The following CCDC178 variants were observed in gnomAD, a reference collection of about 807,000 sequenced individuals.
CCDC178 encodes coiled-coil domain containing 178.
Under a neutral mutation model 117.4 loss-of-function variants are expected in CCDC178, and 126 were observed. That is an observed-to-expected ratio of 1.07 (90% CI 0.93 to 1.24). The LOEUF (loss-of-function observed/expected upper bound fraction) is 1.24, where lower values mean the gene tolerates loss of function less well. Among genes scored for constraint, CCDC178 ranks in the 50% most tolerant of loss-of-function variants. The probability of loss-of-function intolerance (pLI) is 0.00; values close to 1 mark genes in which losing one functional copy is unlikely to be tolerated. For synonymous variants in CCDC178, 283 were observed against 313.4 expected, an observed-to-expected ratio of 0.90 and a Z score of 1.02; for missense variants, 1,030 against 986.9, an observed-to-expected ratio of 1.04 and a Z score of -0.59.
intron 21 of CCDC178, among the ~76,000 whole-genome samples, chr18:33,005,266 TG>T (rs1388704605): frequency 1.3e-5 from 2 of 152,104 alleles, no homozygotes; most frequent in Admixed American, 6.6e-5. Context: ...ATATACATAA[TG>T]GAGTACTATT....
At chr18:32,969,020 G>A (rs1227947165) in intron 22 of CCDC178, among the ~76,000 whole-genome samples, 1 of 151,952 alleles carries the variant, frequency 6.6e-6, no homozygotes, top group Admixed American at 6.6e-5. Context: ...ACCAGTGAAT[G>A]CTTTTGTTTA....
In CCDC178 at chr18:32,937,839, T is replaced by C. The variant is rs2054152559; in HGVS notation, c.*172A>G. 3 of 587,380 alleles carry C rather than the reference T, an allele frequency of 5.1e-6. No homozygotes were observed. The highest frequency in any genetic ancestry group is 2.8e-5 in the Admixed American group (1 of 35,306). The allele number at this position is 587,380 out of a possible 1,614,324, so 36.4% of individuals were successfully genotyped here. On this transcript the variant is annotated 3_prime_UTR_variant, in exon 23 of 23. Transcript: ENST00000383096. The stretch of plus-strand genomic sequence containing the variant: ...AGCATGAAAGTCACCTGTTTCATTG[T>C]TATGGATTTGCTGTGAGTAAAAGAG...
At chr18:33,396,041 T>C (rs1269311618) in intron 4 of CCDC178, among the ~76,000 whole-genome samples, 2 of 152,032 alleles carry the variant, frequency 1.3e-5, no homozygotes, top group African/African-American at 4.8e-5. Context: ...AAAAAATTAG[T>C]TAACATATGT....
rs2059112151 is a variant in CCDC178 at position 33,211,889 on chromosome 18, TACTC to T, written c.2238+3_2238+6del. The T allele has an allele frequency of 6.3e-7, 1 of 1,594,832 alleles. No individual in the cohort carries two copies. The highest frequency in any genetic ancestry group is 8.5e-7 in the Non-Finnish European group (1 of 1,173,778). ...TTCATTTTGAAACATGCAAAAATAATACTCACTTGGGTATCTTGAAGAGTTTTTT... is the reference window on the plus strand; with the variant it reads ...TTCATTTTGAAACATGCAAAAATAATACTTGGGTATCTTGAAGAGTTTTTT... On this transcript the variant is annotated splice_donor_5th_base_variant and intron_variant, in intron 20 of 22. Coordinates refer to ENST00000383096, the MANE Select transcript of CCDC178 (RefSeq NM_001105528.4).
intron 13 of CCDC178, 23 bp downstream of exon 13, chr18:33,267,179 G>A: frequency 1.3e-6 from 2 of 1,560,650 alleles, no homozygotes; most frequent in African/African-American, 2.8e-5. Context: ...TTCTAAGTGG[G>A]AAGTAGGAAA....
At chr18:33,135,325 T>C (rs1042909010) in intron 20 of CCDC178, among the ~76,000 whole-genome samples, 4 of 152,124 alleles carry the variant, frequency 2.6e-5, no homozygotes, top group Admixed American at 2.6e-4. Context: ...CAAAGCTTAG[T>C]AAGATCATTT....
chr18:33,179,059 TAAA>T (rs757037955), intron 20 of CCDC178, among the ~76,000 whole-genome samples: 12 of 14,758 alleles, frequency 8.1e-4, no homozygotes, highest in African/African-American at 2.5e-3. Context: ...AAGCACTCAG[TAAA>T]AAAAAAAAAA....
chr18:33,255,899 G>A (rs1238926532), intron 14 of CCDC178, among the ~76,000 whole-genome samples: 1 of 151,180 alleles, frequency 6.6e-6, no homozygotes, highest in Non-Finnish European at 1.5e-5. Flanking sequence ...CAAGAGAATG[G>A]CATCCTGAAT....
At position 33,339,610 on chromosome 18, in the gene CCDC178, A is replaced by G. The variant is rs1295285398; in HGVS notation, c.659-6216T>C. Among the ~76,000 whole-genome samples, 6 of 152,116 alleles carry G rather than the reference A, an allele frequency of 3.9e-5. No homozygotes were observed. In the South Asian group the frequency reaches 1.2e-3, roughly 32 times the overall value. Reference sequence around the variant, plus strand: ...CCACCCAAATCTCAACTTGAATTGTATCTCCCAGAATTCCCACATGTTGTG... The same window carrying G: ...CCACCCAAATCTCAACTTGAATTGTGTCTCCCAGAATTCCCACATGTTGTG... On this transcript the variant is annotated intron_variant, in intron 9 of 22. Transcript: ENST00000383096.
At chr18:32,939,787 G>A (rs765400715) in intron 22 of CCDC178, among the ~76,000 whole-genome samples, 38 of 152,212 alleles carry the variant, frequency 2.5e-4, no homozygotes, top group Middle Eastern at 3.4e-3. Context: ...TCCGGCTTCA[G>A]ACACCTGTCA....
intron 21 of CCDC178, among the ~76,000 whole-genome samples, chr18:33,047,788 A>G (rs192357973): frequency 1.3e-5 from 2 of 152,304 alleles, no homozygotes; most frequent in Non-Finnish European, 2.9e-5. Flanking sequence ...TTCAGTATTT[A>G]TAATTCTTTT....
chr18:33,296,863 A>G (rs993348421), intron 11 of CCDC178, among the ~76,000 whole-genome samples: 3 of 152,104 alleles, frequency 2.0e-5, no homozygotes, highest in Non-Finnish European at 4.4e-5. Flanking sequence ...TGCCTCTACT[A>G]AAAATACAAA....
intron 12 of CCDC178, among the ~76,000 whole-genome samples, chr18:33,283,992 A>G (rs1444085558): frequency 6.6e-6 from 1 of 152,256 alleles, no homozygotes; most frequent in East Asian, 1.9e-4. Flanking sequence ...TAGCAAAGAC[A>G]TGGAATCAAA....
At chr18:32,982,062 G>GT (rs766891373) in intron 21 of CCDC178, among the ~76,000 whole-genome samples, 1 of 152,180 alleles carries the variant, frequency 6.6e-6, no homozygotes, top group South Asian at 2.1e-4. Context: ...TGACTAGTAT[G>GT]TTTTTTCCTT....
At position 33,239,329 on chromosome 18, in the gene CCDC178, A is replaced by G. The variant is rs115061747; in HGVS notation, c.1593+5916T>C. 4.9e-3 allele frequency among the ~76,000 whole-genome samples: 743 copies of G among 152,134 alleles called. 5 individuals carry two copies. The highest frequency in any genetic ancestry group is 0.017 in the African/African-American group (711 of 41,556). On this transcript the variant is annotated intron_variant, in intron 15 of 22. Transcript: ENST00000383096. Reference sequence around the variant, plus strand: ...AAACAACCAGAAAACAATCACTAACATGACAGGATTAATTCCTCATTTATC... The same window carrying G: ...AAACAACCAGAAAACAATCACTAACGTGACAGGATTAATTCCTCATTTATC...
chr18:33,249,055 T>C (rs2059585628), intron 14 of CCDC178, among the ~76,000 whole-genome samples: 1 of 152,186 alleles, frequency 6.6e-6, no homozygotes, highest in South Asian at 2.1e-4. Context: ...TTTGGCTGCA[T>C]AAATGTCTTC....
intron 21 of CCDC178, among the ~76,000 whole-genome samples, chr18:33,077,155 A>G (rs750473272): frequency 2.0e-5 from 3 of 152,230 alleles, no homozygotes; most frequent in Non-Finnish European, 4.4e-5. Context: ...GCATTTAAAG[A>G]GAGACAGTTA....
At chr18:33,095,580 G>C (rs1409238678) in intron 20 of CCDC178, among the ~76,000 whole-genome samples, 1 of 151,942 alleles carries the variant, frequency 6.6e-6, no homozygotes, top group East Asian at 1.9e-4. Context: ...ACATAAGCAG[G>C]TGCACACGTT....
intron 15 of CCDC178, among the ~76,000 whole-genome samples, chr18:33,238,848 T>G (rs1035990105): frequency 1.4e-4 from 22 of 151,962 alleles, no homozygotes; most frequent in Non-Finnish European, 4.4e-5. Flanking sequence ...TTGTCCAAAG[T>G]CAAAGACAGA....
Sources: gnomAD v4.1 joint callset for allele counts (sites outside exome capture counted in the v4.1 genomes callset) on GRCh38, gnomAD v4.1.1 for gene constraint, MANE v1.5 for transcripts, NCBI Gene and HGNC (gene_info 2026-07-23, HGNC 2026-07-21) for gene names.